The following PRKCH variants were observed in gnomAD, a reference collection of about 807,000 sequenced individuals.
PRKCH encodes protein kinase C eta.
Under a neutral mutation model 82.5 loss-of-function variants are expected in PRKCH, and 28 were observed. That is an observed-to-expected ratio of 0.34 (90% CI 0.25 to 0.47). The LOEUF (loss-of-function observed/expected upper bound fraction) is 0.47, where lower values mean the gene tolerates loss of function less well. Among genes scored for constraint, PRKCH ranks in the 20% least tolerant of loss-of-function variants. The pLI is 1.00. For missense variants in PRKCH, 705 were observed against 881.8 expected (o/e 0.80, Z 2.54); for synonymous variants, 322 against 327.4 (o/e 0.98, Z 0.18).
At chr14:61,225,074 C>T (rs1037349491) in intron 1 of PRKCH, among the ~76,000 whole-genome samples, 2 of 152,056 alleles carry the variant, frequency 1.3e-5, no homozygotes, top group Non-Finnish European at 2.9e-5. Context: ...CAGCTTTGGC[C>T]GGGGTGAGCA....
chr14:61,465,272 C>T (rs561263480), intron 9 of PRKCH, among the ~76,000 whole-genome samples: 15 of 152,268 alleles, frequency 9.9e-5, no homozygotes, highest in East Asian at 1.9e-4. Flanking sequence ...TGTGCTTTTA[C>T]GGTCATATTT....
At chr14:61,297,760 A>G (rs1335387510) in intron 1 of PRKCH, among the ~76,000 whole-genome samples, 3 of 152,058 alleles carry the variant, frequency 2.0e-5, no homozygotes, top group African/African-American at 7.2e-5. Context: ...ACCTCCTGCT[A>G]TGTGGCTGGG....
rs181127652 is a variant in PRKCH at position 61,374,503 on chromosome 14, C to T, written c.364-16722C>T. Among the ~76,000 whole-genome samples, 40 of 152,204 alleles carry T rather than the reference C, an allele frequency of 2.6e-4. 1 individual carries two copies. Among genetic ancestry groups the T allele is most frequent in the East Asian group, 1.9e-3 (10 of 5,184 alleles). On this transcript the variant is annotated intron_variant, in intron 1 of 13. Transcript: ENST00000332981. The stretch of plus-strand genomic sequence containing the variant: ...TCCCTGCAGCAGACTTCTGCCTGGA[C>T]GTCCAGATGTTTCCATACCTCTTCT...
At chr14:61,549,046 C>T (rs764781712) in intron 13 of PRKCH, among the ~76,000 whole-genome samples, 4 of 152,166 alleles carry the variant, frequency 2.6e-5, no homozygotes, top group Non-Finnish European at 5.9e-5. Flanking sequence ...ACACCAGGCA[C>T]CCAGAGGTAA....
At chr14:61,266,596 G>C (rs528342882) in intron 1 of PRKCH, among the ~76,000 whole-genome samples, 5 of 152,236 alleles carry the variant, frequency 3.3e-5, no homozygotes, top group Non-Finnish European at 7.3e-5. Context: ...ATGAGCCTCC[G>C]AATCAGTGGC....
chr14:61,300,347 A>C (rs1179925354), intron 1 of PRKCH, among the ~76,000 whole-genome samples: 2 of 152,232 alleles, frequency 1.3e-5, no homozygotes, highest in Non-Finnish European at 2.9e-5. Flanking sequence ...GACTGAAAGA[A>C]TCTCCATATG....
chr14:61,276,424 C>T (rs940857068), intron 1 of PRKCH, among the ~76,000 whole-genome samples: 1 of 151,642 alleles, frequency 6.6e-6, no homozygotes. Flanking sequence ...GGCATGATCT[C>T]GGCTTACTGC....
chr14:61,429,151 G>A (rs1240418282), intron 2 of PRKCH, among the ~76,000 whole-genome samples: 1 of 152,122 alleles, frequency 6.6e-6, no homozygotes, highest in African/African-American at 2.4e-5. Flanking sequence ...AAGCATGAAA[G>A]GTTTCATTCC....
intron 1 of PRKCH, among the ~76,000 whole-genome samples, chr14:61,271,614 G>C (rs2045154676): frequency 6.6e-6 from 1 of 152,212 alleles, no homozygotes; most frequent in Admixed American, 6.5e-5. Flanking sequence ...CCTTAGACTA[G>C]TTATTTAACC....
At chr14:61,428,076 T>TAGATAGATAGATAGATAG (rs377250538) in intron 2 of PRKCH, among the ~76,000 whole-genome samples, 4 of 126,206 alleles carry the variant, frequency 3.2e-5, no homozygotes, top group African/African-American at 1.2e-4. Flanking sequence ...GATAGATAGA[T>TAGATAGATAGATAGATAG]ACACACACAC....
At chr14:61,411,520 T>A (rs569378133) in intron 2 of PRKCH, among the ~76,000 whole-genome samples, 1 of 152,356 alleles carries the variant, frequency 6.6e-6, no homozygotes, top group South Asian at 2.1e-4. Context: ...AAACAATGAT[T>A]TGTAAGACAC....
intron 2 of PRKCH, among the ~76,000 whole-genome samples, chr14:61,397,164 G>A (rs893347608): frequency 4.6e-5 from 7 of 151,898 alleles, no homozygotes; most frequent in African/African-American, 1.7e-4. Flanking sequence ...GAGAGGAGGG[G>A]GACAGCTTTG....
At chr14:61,406,880 TCTC>T (rs1184128731) in intron 2 of PRKCH, among the ~76,000 whole-genome samples, 1 of 152,120 alleles carries the variant, frequency 6.6e-6, no homozygotes. Context: ...CCAGTGTTGG[TCTC>T]CTCTTTGTTG....
At chr14:61,260,997 T>G (rs910872191) in intron 1 of PRKCH, among the ~76,000 whole-genome samples, 1 of 152,184 alleles carries the variant, frequency 6.6e-6, no homozygotes, top group Non-Finnish European at 1.5e-5. Flanking sequence ...CTAATTATCT[T>G]TAAGTTGTTG....
In PRKCH at chr14:61,322,312, G is replaced by A. The variant is rs901779406; in HGVS notation, c.211G>A (p.Glu71Lys). ...QKTNKPTYNE[E>K]FCANVTDGGH... ...GACCAACAAACCCACGTACAACGAG[G>A]AGTTTTGCGCTAACGTCACCGACGG... is the stretch of plus-strand genomic sequence containing the variant. Residue 71 changes from glutamate (E) to lysine (K), a missense_variant, in exon 1 of 14, where the codon GAG becomes AAG. By Grantham distance (56) the Glu-to-Lys change is moderately conservative. Coordinates refer to ENST00000332981, the MANE Select transcript of PRKCH (RefSeq NM_006255.5). The A allele has an allele frequency of 1.9e-6, 3 of 1,613,294 alleles. No homozygotes were observed. The highest frequency in any genetic ancestry group is 3.3e-5 in the Admixed American group (2 of 59,964).
At chr14:61,275,332 A>G (rs187402287) in intron 1 of PRKCH, among the ~76,000 whole-genome samples, 4 of 152,248 alleles carry the variant, frequency 2.6e-5, no homozygotes, top group Non-Finnish European at 5.9e-5. Flanking sequence ...TTTGATGGAT[A>G]AGATTAATGC....
chr14:61,263,897 ATG>A (rs1262980928), intron 1 of PRKCH, among the ~76,000 whole-genome samples: 1,031 of 88,038 alleles, frequency 0.012, 9 homozygotes, highest in African/African-American at 0.04. Flanking sequence ...GTGTGTGTGT[ATG>A]TGTGTGTACG....
chr14:61,255,389 G>A (rs191915910), intron 1 of PRKCH, among the ~76,000 whole-genome samples: 2 of 152,266 alleles, frequency 1.3e-5, no homozygotes, highest in African/African-American at 4.8e-5. Flanking sequence ...TTGAGATTGG[G>A]AACACATTCT....
intron 6 of PRKCH, 50 bp downstream of exon 6, chr14:61,451,021 C>G (rs767342634): frequency 1.3e-6 from 2 of 1,582,150 alleles, no homozygotes; most frequent in Non-Finnish European, 1.7e-6. Context: ...AACACTATGC[C>G]CTAAGCTTTC....
Sources: gnomAD v4.1 joint callset for allele counts (sites outside exome capture counted in the v4.1 genomes callset) on GRCh38, gnomAD v4.1.1 for gene constraint, MANE v1.5 for transcripts, NCBI Gene and HGNC (gene_info 2026-07-23, HGNC 2026-07-21) for gene names.